ASTN2: variants seen among roughly 807,000 people sequenced by gnomAD.
The protein encoded by ASTN2 is astrotactin-2.
ASTN2 carries 54 observed loss-of-function variants against 139.8 expected under a neutral mutation model. The ratio of observed to expected loss-of-function variants is 0.39; its 90% confidence interval spans 0.31 to 0.48. The LOEUF (loss-of-function observed/expected upper bound fraction) is 0.48. Among genes scored for constraint, ASTN2 ranks in the 20% least tolerant of loss-of-function variants. The pLI is 0.95. For missense variants in ASTN2, 1,565 were observed against 1,725.1 expected (o/e 0.91, Z 1.64); for synonymous variants, 756 against 719.5 (o/e 1.05, Z -0.81).
chr9:116,430,996 G>T (rs990134540), intron 22 of ASTN2, among the ~76,000 whole-genome samples: 1 of 152,226 alleles, frequency 6.6e-6, no homozygotes, highest in East Asian at 1.9e-4. Flanking sequence ...CCTCATTGGA[G>T]ATAGGACTCA....
intron 20 of ASTN2, among the ~76,000 whole-genome samples, chr9:116,443,924 G>A (rs73520370): frequency 0.03 from 4,496 of 152,150 alleles, 210 homozygotes; most frequent in African/African-American, 0.1. Flanking sequence ...TGATTAGCAA[G>A]TTTCAGAATG....
intron 2 of ASTN2, among the ~76,000 whole-genome samples, chr9:117,277,824 A>G (rs1834230321): frequency 6.6e-6 from 1 of 152,230 alleles, no homozygotes; most frequent in South Asian, 2.1e-4. Context: ...AGAAATAAGT[A>G]AAATAATGCA....
intron 17 of ASTN2, 55 bp from the exon 18 acceptor site, chr9:116,620,498 G>C (rs1856083637): frequency 6.2e-7 from 1 of 1,607,338 alleles, no homozygotes; most frequent in African/African-American, 1.3e-5. Context: ...GAGAGATTGA[G>C]AGTAAATGTG....
chr9:116,964,216 G>GGTGTGTGTGTGT (rs56209166), intron 10 of ASTN2, among the ~76,000 whole-genome samples: 6 of 140,812 alleles, frequency 4.3e-5, no homozygotes, highest in South Asian at 2.3e-4. Context: ...ACTGCCCTGG[G>GGTGTGTGTGTGT]GTGTGTGTGT....
chr9:117,137,919 T>C (rs1467850853), intron 4 of ASTN2, among the ~76,000 whole-genome samples: 1 of 152,190 alleles, frequency 6.6e-6, no homozygotes, highest in Non-Finnish European at 1.5e-5. Context: ...ACATTTACTG[T>C]GCTACTTGTC....
intron 5 of ASTN2, among the ~76,000 whole-genome samples, chr9:117,065,512 C>G (rs572595235): frequency 1.3e-5 from 2 of 152,296 alleles, no homozygotes; most frequent in South Asian, 2.1e-4. Context: ...AAGTTCATTT[C>G]AGCATCTGTA....
At chr9:117,085,766 G>C (rs549956465) in intron 5 of ASTN2, among the ~76,000 whole-genome samples, 3 of 152,282 alleles carry the variant, frequency 2.0e-5, no homozygotes, top group Admixed American at 6.5e-5. Flanking sequence ...GATCAGGTTT[G>C]CTGTATCAGA....
At chr9:116,750,089 T>C (rs1829356842) in intron 13 of ASTN2, among the ~76,000 whole-genome samples, 1 of 152,198 alleles carries the variant, frequency 6.6e-6, no homozygotes. Flanking sequence ...CCTAACAAAG[T>C]ACTGGGTGCA....
At chr9:117,257,019 T>C (rs889973510) in intron 2 of ASTN2, among the ~76,000 whole-genome samples, 9 of 152,150 alleles carry the variant, frequency 5.9e-5, no homozygotes, top group African/African-American at 1.9e-4. Context: ...AAAGCATTCT[T>C]TGAAATATTT....
chr9:117,145,013 CAG>C (rs1830163098), intron 3 of ASTN2, among the ~76,000 whole-genome samples: 2 of 151,788 alleles, frequency 1.3e-5, no homozygotes, highest in Non-Finnish European at 2.9e-5. Context: ...ATTTTAGACT[CAG>C]GGGTACAAGT....
intron 19 of ASTN2, among the ~76,000 whole-genome samples, chr9:116,539,104 G>T (rs115055003): frequency 0.015 from 2,261 of 152,304 alleles, 62 homozygotes; most frequent in African/African-American, 0.052. Context: ...AGCAGATGTG[G>T]CATGATTCCA....
At chr9:116,846,849 G>C (rs117099105) in intron 11 of ASTN2, among the ~76,000 whole-genome samples, 2,477 of 152,086 alleles carry the variant, frequency 0.016, 42 homozygotes, top group South Asian at 0.067. Context: ...AGTGGCTTGG[G>C]AACATGCTTG....
intron 3 of ASTN2, among the ~76,000 whole-genome samples, chr9:117,206,725 A>G (rs532692623): frequency 1.3e-5 from 2 of 152,250 alleles, no homozygotes; most frequent in African/African-American, 4.8e-5. Context: ...CCAGCCAGAG[A>G]AACAGTATAA....
At chr9:116,496,912 C>A (rs1849686313) in intron 19 of ASTN2, among the ~76,000 whole-genome samples, 1 of 152,174 alleles carries the variant, frequency 6.6e-6, no homozygotes, top group African/African-American at 2.4e-5. Context: ...CCCCATGATT[C>A]AATTACCTCC....
chr9:117,290,209 C>T (rs545542840), intron 2 of ASTN2, among the ~76,000 whole-genome samples: 10 of 152,066 alleles, frequency 6.6e-5, no homozygotes, highest in South Asian at 2.1e-4. Context: ...CTGGCAGAGC[C>T]GTACTAAAGA....
intron 3 of ASTN2, among the ~76,000 whole-genome samples, chr9:117,165,431 A>G (rs1219436354): frequency 1.3e-5 from 2 of 152,046 alleles, no homozygotes; most frequent in Admixed American, 6.6e-5. Flanking sequence ...GCTCCTTTCA[A>G]AGTGCTTGAG....
chr9:116,604,808 G>C (rs1024692110), intron 19 of ASTN2, among the ~76,000 whole-genome samples: 1 of 152,146 alleles, frequency 6.6e-6, no homozygotes, highest in African/African-American at 2.4e-5. Context: ...GTCTGAGATG[G>C]GATGGTGTGT....
At chr9:116,556,807 T>C (rs1262062670) in intron 19 of ASTN2, among the ~76,000 whole-genome samples, 1 of 152,184 alleles carries the variant, frequency 6.6e-6, no homozygotes. Context: ...CACTTGTTTT[T>C]CTGTAAACAC....
intron 2 of ASTN2, chr9:117,277,275 T>C (rs1373884353): frequency 6.6e-6 from 1 of 152,206 alleles, no homozygotes; most frequent in African/African-American, 2.4e-5. Context: ...AAACCTCTAA[T>C]TGGTGTTCAG....
Sources: allele counts gnomAD v4.1 joint callset (sites outside exome capture counted in the v4.1 genomes callset), GRCh38; gene constraint gnomAD v4.1.1; transcripts MANE v1.5; gene names NCBI Gene and HGNC (gene_info 2026-07-23, HGNC 2026-07-21).